AKAP14: variants seen among roughly 807,000 people sequenced by gnomAD.
The protein encoded by AKAP14 is A-kinase anchoring protein 14.
Under a neutral mutation model 17.0 loss-of-function variants are expected in AKAP14, and 4 were observed. The observed-to-expected ratio is 0.23, with a 90% CI of 0.12 to 0.54. The LOEUF (loss-of-function observed/expected upper bound fraction) is 0.54, where lower values mean the gene tolerates loss of function less well. AKAP14 is among the 20% of genes least tolerant of loss of function. AKAP14 has a pLI of 0.95. For missense variants in AKAP14, 129 were observed against 150.9 expected (o/e 0.85, Z 0.76); for synonymous variants, 42 against 51.3 (o/e 0.82, Z 0.77).
At chrX:119,897,394 C>T (rs1049296468) in intron 2 of AKAP14, among the ~76,000 whole-genome samples, 15 of 102,880 alleles carry the variant, frequency 1.5e-4, no homozygotes, top group Non-Finnish European at 2.8e-4. Context: ...CTCCTGACCT[C>T]GTGATCCGCC....
chrX:119,905,671 C>A (rs182658210), intron 4 of AKAP14, among the ~76,000 whole-genome samples: 50 of 111,277 alleles, frequency 4.5e-4, no homozygotes, highest in Admixed American at 2.2e-3. Flanking sequence ...CAGGCATGTT[C>A]CCCTGTCAGG....
intron 4 of AKAP14, among the ~76,000 whole-genome samples, chrX:119,911,815 C>T (rs2056628829): frequency 9.0e-6 from 1 of 110,532 alleles, no homozygotes; most frequent in Non-Finnish European, 1.9e-5. Context: ...CCTCCTGCCT[C>T]AGCCTCCCAA....
Position 119,903,596 on chromosome X carries a change from G to A in AKAP14, c.261+10G>A, listed in dbSNP as rs1282153143. ...TGACGAATATTTTTCGGTAAGTTAG[G>A]CCGACCACTCCAGCATGGTACACCG... On this transcript the variant is annotated intron_variant, in intron 4 of 6. Coordinates refer to ENST00000371431, the MANE Select transcript of AKAP14 (RefSeq NM_178813.6). The A allele has an allele frequency of 8.3e-7, 1 of 1,210,359 alleles. No homozygotes were observed. The highest frequency in any genetic ancestry group is 1.1e-6 in the Non-Finnish European group (1 of 894,871).
intron 4 of AKAP14, among the ~76,000 whole-genome samples, chrX:119,912,633 C>T (rs1414590707): frequency 1.9e-5 from 2 of 107,539 alleles, no homozygotes; most frequent in African/African-American, 6.8e-5. Flanking sequence ...TCAAGTGATC[C>T]GCTCACCTCG....
rs977709223 is a variant in AKAP14 at position 119,899,374 on chromosome X, A to G, written c.-11+3107A>G. ...AGGGCTCCTGTAGGAAACTGTTGGC[A>G]TATTAAAATGAGGATAGCTGTAGAA... On this transcript the variant is annotated intron_variant, in intron 2 of 6. Transcript: ENST00000371431. Among the ~76,000 whole-genome samples the G allele has an allele frequency of 5.4e-5, 6 of 110,843 alleles. No individual in the cohort carries two copies. In the Admixed American group the frequency reaches 5.9e-4, roughly 11 times the overall value.
chrX:119,902,724 T>C (rs1387039366), intron 2 of AKAP14, among the ~76,000 whole-genome samples: 1 of 111,017 alleles, frequency 9.0e-6, no homozygotes, highest in Non-Finnish European at 1.9e-5. Flanking sequence ...GGAGTTTTGC[T>C]CTTGTTGCCC....
chrX:119,914,930 TCTCTTG>T (rs2056649085), intron 5 of AKAP14, 52 bp downstream of exon 5: 2 of 1,109,345 alleles, frequency 1.8e-6, no homozygotes, highest in African/African-American at 3.7e-5. Context: ...AATGGAGACT[TCTCTTG>T]TCAAGGTCAT....
Position 119,897,448 on chromosome X carries a change from T to C in AKAP14, c.-11+1181T>C, listed in dbSNP as rs148790015. On this transcript the variant is annotated intron_variant, in intron 2 of 6. Transcript: ENST00000371431. Reference sequence around the variant, plus strand: ...TGCTGGGATTATAGGTGTGAGCCACTGCGCCCGGCCCAAATGGACAATTTT... The same window carrying C: ...TGCTGGGATTATAGGTGTGAGCCACCGCGCCCGGCCCAAATGGACAATTTT... Among the ~76,000 whole-genome samples, 977 of 109,035 alleles carry C rather than the reference T, an allele frequency of 9.0e-3. 6 individuals are homozygous for C. The highest frequency in any genetic ancestry group is 0.01 in the African/African-American group (302 of 30,105). 94.7% of individuals were successfully genotyped at this position (109,035 alleles called of 115,157 possible).
intron 4 of AKAP14, among the ~76,000 whole-genome samples, chrX:119,912,304 T>C (rs1046153269): frequency 1.8e-5 from 2 of 110,783 alleles, no homozygotes; most frequent in East Asian, 5.7e-4. Flanking sequence ...TCTGGCTTCA[T>C]TGTGGGTGGG....
intron 4 of AKAP14, among the ~76,000 whole-genome samples, chrX:119,911,487 G>A (rs982133080): frequency 9.0e-6 from 1 of 111,490 alleles, no homozygotes; most frequent in African/African-American, 3.3e-5. Flanking sequence ...TGTTCAAAGG[G>A]AAAGGGTGTG....
chrX:119,915,967 G>A (rs183485198), intron 5 of AKAP14, among the ~76,000 whole-genome samples: 1 of 109,985 alleles, frequency 9.1e-6, no homozygotes, highest in Non-Finnish European at 1.9e-5. Flanking sequence ...AATGAGTCTT[G>A]TAAAACAAAT....
At chrX:119,896,810 T>C (rs867234755) in intron 2 of AKAP14, among the ~76,000 whole-genome samples, 754 of 57,390 alleles carry the variant, frequency 0.013, 17 homozygotes, top group African/African-American at 0.045. Flanking sequence ...CTTTTCTTTT[T>C]TTCTTTTTTT....
At chrX:119,896,455 G>T in intron 2 of AKAP14, among the ~76,000 whole-genome samples, 188 bp downstream of exon 2, 1 of 98,272 alleles carries the variant, frequency 1.0e-5, no homozygotes, top group Non-Finnish European at 2.1e-5. Context: ...GGAGAGGGAG[G>T]GGGAGGGGAG....
intron 2 of AKAP14, among the ~76,000 whole-genome samples, chrX:119,901,192 C>T (rs1278383542): frequency 8.9e-6 from 1 of 111,952 alleles, no homozygotes; most frequent in African/African-American, 3.2e-5. Context: ...TAAAGTCAGA[C>T]ACAATAGGAG....
rs961326144 is a variant in AKAP14 at position 119,911,297 on chromosome X, C to T, written c.262-3402C>T. On this transcript the variant is annotated intron_variant, in intron 4 of 6. Coordinates refer to ENST00000371431, the MANE Select transcript of AKAP14 (RefSeq NM_178813.6). ...TGAACTTGGAAGGCGAAGGTTGCAG[C>T]GAGCCGAGATGGTGCCATTGCAGTC... Among the ~76,000 whole-genome samples the T allele has an allele frequency of 3.8e-5, 4 of 105,906 alleles. No individual in the cohort carries two copies. In the South Asian group the frequency reaches 1.3e-3, roughly 35 times the overall value. 92.0% of individuals were successfully genotyped at this position (105,906 alleles called of 115,157 possible).
At chrX:119,898,766 C>T (rs1057142437) in intron 2 of AKAP14, among the ~76,000 whole-genome samples, 23 of 105,627 alleles carry the variant, frequency 2.2e-4, no homozygotes, top group South Asian at 4.3e-4. Context: ...CATTGCACTC[C>T]GGCCTGGGCA....
chrX:119,911,308 G>A (rs2056626014), intron 4 of AKAP14, among the ~76,000 whole-genome samples: 1 of 107,730 alleles, frequency 9.3e-6, no homozygotes, highest in African/African-American at 3.4e-5. Context: ...GAGCCGAGAT[G>A]GTGCCATTGC....
intron 2 of AKAP14, among the ~76,000 whole-genome samples, chrX:119,901,296 G>C (rs1208137601): frequency 1.8e-5 from 2 of 112,079 alleles, no homozygotes; most frequent in African/African-American, 6.5e-5. Flanking sequence ...GAAAAAAGAT[G>C]ATAAAAGTGA....
chrX:119,904,978 G>A (rs1322828913), intron 4 of AKAP14, among the ~76,000 whole-genome samples: 1 of 110,824 alleles, frequency 9.0e-6, no homozygotes, highest in African/African-American at 3.3e-5. Flanking sequence ...CTTGAGCCCA[G>A]GAGGTCGAGG....
Sources: allele counts gnomAD v4.1 joint callset (sites outside exome capture counted in the v4.1 genomes callset), GRCh38; gene constraint gnomAD v4.1.1; transcripts MANE v1.5; gene names NCBI Gene and HGNC (gene_info 2026-07-23, HGNC 2026-07-21).